Variants in CTXND1 observed in about 807,000 individuals in gnomAD.
CTXND1 encodes cortexin domain-containing 1 protein.
chr15:80,236,999 A>G (rs1374501142), intron 1 of CTXND1, among the ~76,000 whole-genome samples: 2 of 152,010 alleles, frequency 1.3e-5, no homozygotes, highest in Non-Finnish European at 2.9e-5. Context: ...TGTATTTGGT[A>G]TATTATTTAT....
At chr15:80,204,783 ACT>A (rs1168862256) in intron 1 of CTXND1, among the ~76,000 whole-genome samples, 1 of 151,316 alleles carries the variant, frequency 6.6e-6, no homozygotes, top group Non-Finnish European at 1.5e-5. Context: ...TCTCCTTGAG[ACT>A]CTGCTTTCAA....
chr15:80,207,628 G>A (rs1893161521), intron 1 of CTXND1, among the ~76,000 whole-genome samples: 1 of 152,174 alleles, frequency 6.6e-6, no homozygotes, highest in African/African-American at 2.4e-5. Flanking sequence ...GTGAGTTACT[G>A]AGCACTGATG....
At chr15:80,243,417 G>A (rs986072763) in intron 1 of CTXND1, among the ~76,000 whole-genome samples, 1 of 152,190 alleles carries the variant, frequency 6.6e-6, no homozygotes, top group African/African-American at 2.4e-5. Flanking sequence ...GCCCTAAAAG[G>A]GAAGGCATGA....
chr15:80,232,550 G>A lies in CTXND1; in HGVS notation c.-218+19457C>T, dbSNP rs183514102. Among the ~76,000 whole-genome samples, 353 of 152,300 alleles carry A rather than the reference G, an allele frequency of 2.3e-3. 1 individual carries two copies. Among genetic ancestry groups the A allele is most frequent in the Non-Finnish European group, 3.8e-3 (261 of 68,034 alleles). On this transcript the variant is annotated intron_variant, in intron 1 of 2. Coordinates refer to ENST00000560778, the MANE Select transcript of CTXND1 (RefSeq NM_001352888.2). The stretch of plus-strand genomic sequence containing the variant: ...TTGAGTGGAACACCATGCATGAGCA[G>A]GAGAGTCGTCCTGGCACAAACGCTC...
intron 1 of CTXND1, among the ~76,000 whole-genome samples, chr15:80,238,530 G>C (rs1344908106): frequency 6.7e-6 from 1 of 150,188 alleles, no homozygotes. Context: ...TGTTGCCCAG[G>C]CTGGAGTGCA....
At chr15:80,243,012 G>C (rs1338117124) in intron 1 of CTXND1, among the ~76,000 whole-genome samples, 1 of 152,228 alleles carries the variant, frequency 6.6e-6, no homozygotes, top group Non-Finnish European at 1.5e-5. Context: ...TGAAAGACTT[G>C]ATCTGTGACC....
chr15:80,241,534 A>G (rs1893566978), intron 1 of CTXND1, among the ~76,000 whole-genome samples: 1 of 152,196 alleles, frequency 6.6e-6, no homozygotes, highest in Non-Finnish European at 1.5e-5. Flanking sequence ...AAACATGCTC[A>G]GACATGTAAG....
At chr15:80,244,117 A>G (rs140585832) in intron 1 of CTXND1, among the ~76,000 whole-genome samples, 12 of 152,352 alleles carry the variant, frequency 7.9e-5, no homozygotes, top group African/African-American at 2.9e-4. Flanking sequence ...GGAAATGGGA[A>G]GATCAACCAA....
chr15:80,207,608 A>G lies in CTXND1; in HGVS notation c.-217-3868T>C, dbSNP rs187521547. 5.9e-4 allele frequency among the ~76,000 whole-genome samples: 90 copies of G among 152,314 alleles called. 1 individual carries two copies. The highest frequency in any genetic ancestry group is 2.8e-4 in the Non-Finnish European group (19 of 68,034). ...GGTTCAGTTTCTTGATATACCTGATAAACATTTCAGTGAGTTACTGAGCAC... is the reference window on the plus strand; with the variant it reads ...GGTTCAGTTTCTTGATATACCTGATGAACATTTCAGTGAGTTACTGAGCAC... On this transcript the variant is annotated intron_variant, in intron 1 of 2. Transcript: ENST00000560778.
chr15:80,235,432 G>A (rs1198108326), intron 1 of CTXND1, among the ~76,000 whole-genome samples: 1 of 152,204 alleles, frequency 6.6e-6, no homozygotes, highest in African/African-American at 2.4e-5. Context: ...GGCATCCTTG[G>A]CTTAGCATCT....
At chr15:80,225,619 T>G (rs1043336332) in intron 1 of CTXND1, among the ~76,000 whole-genome samples, 2 of 152,222 alleles carry the variant, frequency 1.3e-5, no homozygotes, top group African/African-American at 4.8e-5. Flanking sequence ...TTTTCAGCCA[T>G]GTTTCATGCT....
chr15:80,246,399 T>C (rs1449601120), intron 1 of CTXND1, among the ~76,000 whole-genome samples: 1 of 152,232 alleles, frequency 6.6e-6, no homozygotes, highest in Non-Finnish European at 1.5e-5. Context: ...CTTTGCTGTT[T>C]ATCCGTTTGT....
intron 1 of CTXND1, among the ~76,000 whole-genome samples, chr15:80,216,556 T>C (rs2142127740): frequency 6.6e-6 from 1 of 152,340 alleles, no homozygotes; most frequent in East Asian, 1.9e-4. Flanking sequence ...TCATTTAATA[T>C]AGAAACAGAA....
intron 1 of CTXND1, among the ~76,000 whole-genome samples, chr15:80,218,618 TTA>T (rs754016559): frequency 3.4e-4 from 52 of 151,648 alleles, no homozygotes; most frequent in Non-Finnish European, 5.6e-4. Flanking sequence ...CTTCTCAATA[TTA>T]TATATATATA....
At chr15:80,235,138 G>A (rs1005871473) in intron 1 of CTXND1, among the ~76,000 whole-genome samples, 1 of 152,216 alleles carries the variant, frequency 6.6e-6, no homozygotes, top group African/African-American at 2.4e-5. Context: ...CCTTGCGGTA[G>A]TTCAGCTACT....
rs1435608378 is a variant in CTXND1, at chr15:80,210,542, T to A, written c.-217-6802A>T. Among the ~76,000 whole-genome samples, 9 of 152,224 alleles carry A rather than the reference T, an allele frequency of 5.9e-5. No individual in the cohort carries two copies. In the East Asian group the frequency reaches 1.5e-3, roughly 26 times the overall value. Reference sequence around the variant, plus strand: ...GTGTCACCTTGTTCCCCTGGACCTGTATTTAATGAAATGATGAGACAGTAG... The same window carrying A: ...GTGTCACCTTGTTCCCCTGGACCTGAATTTAATGAAATGATGAGACAGTAG... On this transcript the variant is annotated intron_variant, in intron 1 of 2. Coordinates refer to ENST00000560778, the MANE Select transcript of CTXND1 (RefSeq NM_001352888.2).
intron 1 of CTXND1, among the ~76,000 whole-genome samples, chr15:80,234,405 G>A (rs1025930508): frequency 6.6e-6 from 1 of 152,012 alleles, no homozygotes; most frequent in African/African-American, 2.4e-5. Flanking sequence ...TCAGGGATAG[G>A]GTGAGACAGG....
chr15:80,222,503 T>G (rs958212871), intron 1 of CTXND1, among the ~76,000 whole-genome samples: 4 of 152,192 alleles, frequency 2.6e-5, no homozygotes, highest in African/African-American at 9.6e-5. Flanking sequence ...AATATCCAAT[T>G]CATGGTCAAT....
At chr15:80,211,826 G>A (rs1364758628) in intron 1 of CTXND1, among the ~76,000 whole-genome samples, 1 of 152,180 alleles carries the variant, frequency 6.6e-6, no homozygotes, top group Admixed American at 6.5e-5. Flanking sequence ...ATTATGTTAC[G>A]ATAATGCTGA....
Sources: gnomAD v4.1 joint callset for allele counts (sites outside exome capture counted in the v4.1 genomes callset) on GRCh38, gnomAD v4.1.1 for gene constraint, MANE v1.5 for transcripts, NCBI Gene and HGNC (gene_info 2026-07-23, HGNC 2026-07-21) for gene names.